Variants in POFUT3 observed in about 807,000 individuals in gnomAD.
POFUT3 encodes the protein protein O-fucosyltransferase 3.
the POFUT3 span, among the ~76,000 whole-genome samples, chr8:33,324,335 G>A: frequency 6.6e-6 from 1 of 152,144 alleles, no homozygotes; most frequent in East Asian, 1.9e-4. Context: ...TGTCCTTTTA[G>A]TGTTGGAGTT....
chr8:33,309,167 A>AAT, the POFUT3 span, among the ~76,000 whole-genome samples: 947 of 53,642 alleles, frequency 0.018, 23 homozygotes, highest in Non-Finnish European at 0.021. Flanking sequence ...AAAAAAAAAA[A>AAT]ATATATATAT....
chr8:33,310,270 G>A, the POFUT3 span, among the ~76,000 whole-genome samples: 17 of 118,414 alleles, frequency 1.4e-4, no homozygotes, highest in South Asian at 5.7e-3. Context: ...AAAAAAAGAA[G>A]TTTTTTACAG....
chr8:33,413,085 C>G, the POFUT3 span, among the ~76,000 whole-genome samples: 1 of 152,096 alleles, frequency 6.6e-6, no homozygotes, highest in Non-Finnish European at 1.5e-5. Context: ...TTTATTTATT[C>G]ACTTCTTTTT....
the POFUT3 span, among the ~76,000 whole-genome samples, chr8:33,347,193 C>G: frequency 6.6e-6 from 1 of 152,126 alleles, no homozygotes; most frequent in Non-Finnish European, 1.5e-5. Flanking sequence ...CCTTGATCCC[C>G]GCAATCAACA....
the POFUT3 span, among the ~76,000 whole-genome samples, chr8:33,344,318 A>G: frequency 6.6e-6 from 1 of 152,204 alleles, no homozygotes; most frequent in South Asian, 2.1e-4. Context: ...TGAATTCATT[A>G]CTGGCTACTT....
At chr8:33,465,429 T>G in the POFUT3 span, among the ~76,000 whole-genome samples, 1,139 of 147,024 alleles carry the variant, frequency 7.7e-3, 9 homozygotes, top group African/African-American at 0.011. Flanking sequence ...CATATATATA[T>G]AGAGAGAGAG....
At chr8:33,329,701 A>G in the POFUT3 span, among the ~76,000 whole-genome samples, 4 of 152,310 alleles carry the variant, frequency 2.6e-5, 1 homozygote, top group African/African-American at 9.6e-5. Flanking sequence ...GCCAAGAATT[A>G]TAAGTGCTCA....
the POFUT3 span, chr8:33,388,839 C>T: frequency 3.8e-6 from 3 of 787,634 alleles, no homozygotes; most frequent in Non-Finnish European, 6.5e-6. Flanking sequence ...TCCTGCAAAG[C>T]CCGGTCTTTC....
At chr8:33,405,727 T>C in the POFUT3 span, among the ~76,000 whole-genome samples, 1 of 152,208 alleles carries the variant, frequency 6.6e-6, no homozygotes, top group Non-Finnish European at 1.5e-5. Context: ...AACTCAGAGC[T>C]CGTGTGAAGT....
At chr8:33,318,810 A>C in the POFUT3 span, among the ~76,000 whole-genome samples, 1 of 49,378 alleles carries the variant, frequency 2.0e-5, no homozygotes, top group Non-Finnish European at 2.9e-5. Context: ...TATTTTATAT[A>C]TATTATATAT....
At chr8:33,428,269 G>A in the POFUT3 span, among the ~76,000 whole-genome samples, 11 of 152,106 alleles carry the variant, frequency 7.2e-5, no homozygotes, top group Non-Finnish European at 1.5e-4. Flanking sequence ...TGTCACCACT[G>A]GAAGCAGCAC....
At chr8:33,383,757 C>T in the POFUT3 span, among the ~76,000 whole-genome samples, 2 of 151,116 alleles carry the variant, frequency 1.3e-5, no homozygotes, top group African/African-American at 4.9e-5. Flanking sequence ...CGAAATTGCA[C>T]CACTGCACTC....
At chr8:33,414,159 C>A in the POFUT3 span, among the ~76,000 whole-genome samples, 1 of 152,170 alleles carries the variant, frequency 6.6e-6, no homozygotes, top group Middle Eastern at 3.2e-3. Flanking sequence ...GAAAGATTAA[C>A]CACCAAGAGG....
the POFUT3 span, among the ~76,000 whole-genome samples, chr8:33,420,449 G>A: frequency 6.6e-6 from 1 of 152,118 alleles, no homozygotes; most frequent in African/African-American, 2.4e-5. Flanking sequence ...TGAGAAGACT[G>A]ATGGTTGTTG....
chr8:33,457,103 A>G, the POFUT3 span, among the ~76,000 whole-genome samples: 1 of 152,048 alleles, frequency 6.6e-6, no homozygotes, highest in African/African-American at 2.4e-5. Context: ...AAAACATAAA[A>G]CTTGAGACTC....
the POFUT3 span, among the ~76,000 whole-genome samples, chr8:33,350,359 T>A: frequency 6.6e-6 from 1 of 152,148 alleles, no homozygotes; most frequent in Non-Finnish European, 1.5e-5. Flanking sequence ...CACATCCTTT[T>A]CCCAGGCCCT....
chr8:33,367,208 C>G, the POFUT3 span, among the ~76,000 whole-genome samples: 1 of 152,320 alleles, frequency 6.6e-6, no homozygotes, highest in South Asian at 2.1e-4. Context: ...GGCCATAACG[C>G]CCACGCTGGA....
chr8:33,322,147 G>A, the POFUT3 span, among the ~76,000 whole-genome samples: 5 of 152,046 alleles, frequency 3.3e-5, no homozygotes, highest in Admixed American at 1.3e-4. Context: ...CTTGGTCTTC[G>A]TCTTTCCCTT....
At chr8:33,380,213 T>C in the POFUT3 span, among the ~76,000 whole-genome samples, 5 of 61,964 alleles carry the variant, frequency 8.1e-5, no homozygotes, top group Admixed American at 2.2e-4. Context: ...TATATATATA[T>C]ACTATATATA....
Sources: gnomAD v4.1 joint callset for allele counts (sites outside exome capture counted in the v4.1 genomes callset) on GRCh38, gnomAD v4.1.1 for gene constraint, MANE v1.5 for transcripts, NCBI Gene and HGNC (gene_info 2026-07-23, HGNC 2026-07-21) for gene names.